Variants in BTBD16 observed in about 807,000 individuals in gnomAD.
BTBD16 encodes the protein BTB/POZ domain-containing protein 16.
In BTBD16, 66 loss-of-function variants were observed where a neutral mutation model predicts 67.4. The observed-to-expected ratio is 0.98, with a 90% confidence interval of 0.80 to 1.20. The LOEUF is 1.20. Ranked by LOEUF, BTBD16 falls within the 50% of genes most tolerant of loss-of-function variation. The pLI is 0.00. For synonymous variants in BTBD16, 242 were observed against 236.4 expected (o/e 1.02, Z -0.22); for missense variants, 634 against 616.0 (o/e 1.03, Z -0.31).
chr10:122,325,457 C>A (rs926805773), intron 10 of BTBD16, among the ~76,000 whole-genome samples: 9 of 152,052 alleles, frequency 5.9e-5, no homozygotes, highest in African/African-American at 2.2e-4. Flanking sequence ...ACCCTAAGCA[C>A]CGTGCATGGA....
rs2096370842 is a variant in BTBD16 at position 122,289,953 on chromosome 10, A to G, written c.430A>G (p.Ile144Val). ...CAAAGAAAAATCCCCTGCAAAGAGG[A>G]TCATCATTTCCTTGAAGATCAATGA... is the stretch of plus-strand genomic sequence containing the variant. ...KTKEKSPAKRIIISLKINDPL... is the reference protein window; with the variant it reads ...KTKEKSPAKRVIISLKINDPL... Residue 144 changes from isoleucine to valine, a missense_variant, in exon 6 of 16, where the codon ATC becomes GTC. Physicochemically the swap from Ile to Val is conservative, Grantham distance 29. Transcript: ENST00000260723. 1 of 1,613,954 alleles carries G rather than the reference A, an allele frequency of 6.2e-7. No individual in the cohort carries two copies. Among genetic ancestry groups the G allele is most frequent in the Non-Finnish European group, 8.5e-7 (1 of 1,179,948 alleles).
intron 9 of BTBD16, among the ~76,000 whole-genome samples, chr10:122,300,471 C>A (rs1014403508): frequency 2.0e-5 from 3 of 152,052 alleles, no homozygotes; most frequent in African/African-American, 4.8e-5. Context: ...CTACGTGTAT[C>A]TACATATACA....
At chr10:122,312,939 T>C (rs1473373732) in intron 10 of BTBD16, among the ~76,000 whole-genome samples, 1 of 152,302 alleles carries the variant, frequency 6.6e-6, no homozygotes, top group African/African-American at 2.4e-5. Context: ...TGCAGTGGTG[T>C]GATCTCAGCT....
chr10:122,272,044 G>A (rs2096329817), intron 1 of BTBD16, among the ~76,000 whole-genome samples: 1 of 152,168 alleles, frequency 6.6e-6, no homozygotes, highest in African/African-American at 2.4e-5. Flanking sequence ...GTCTAGGGCA[G>A]TGGGAAGCTG....
At chr10:122,296,007 T>C (rs1380159934) in intron 7 of BTBD16, among the ~76,000 whole-genome samples, 2 of 152,128 alleles carry the variant, frequency 1.3e-5, no homozygotes, top group Non-Finnish European at 2.9e-5. Context: ...TACCATTGTA[T>C]ACTAACTCTA....
intron 10 of BTBD16, among the ~76,000 whole-genome samples, chr10:122,322,111 A>G (rs2096436425): frequency 6.6e-6 from 1 of 151,928 alleles, no homozygotes; most frequent in South Asian, 2.1e-4. Context: ...ATAGAGGTTT[A>G]TTTTATTCAT....
chr10:122,318,070 CAT>C (rs770518638), intron 10 of BTBD16, among the ~76,000 whole-genome samples: 9 of 152,128 alleles, frequency 5.9e-5, no homozygotes, highest in Non-Finnish European at 1.0e-4. Flanking sequence ...ACCACAAACA[CAT>C]GTGTTGTGCT....
At chr10:122,320,796 T>A (rs2096434142) in intron 10 of BTBD16, among the ~76,000 whole-genome samples, 1 of 152,210 alleles carries the variant, frequency 6.6e-6, no homozygotes, top group South Asian at 2.1e-4. Context: ...CACAATATGA[T>A]CTCTCTTGGT....
chr10:122,286,388 A>G (rs1055074661), intron 5 of BTBD16, 140 bp downstream of exon 5: 3 of 1,250,932 alleles, frequency 2.4e-6, no homozygotes, highest in African/African-American at 3.0e-5. Context: ...ATCTCATCCC[A>G]TGACAGCCTC....
chr10:122,306,677 G>C (rs927687481), intron 9 of BTBD16, among the ~76,000 whole-genome samples: 2 of 152,156 alleles, frequency 1.3e-5, no homozygotes, highest in Non-Finnish European at 2.9e-5. Flanking sequence ...ATTTAAGGGA[G>C]CATGAAAAAA....
chr10:122,288,679 C>A (rs566217623), intron 5 of BTBD16, among the ~76,000 whole-genome samples: 1 of 151,946 alleles, frequency 6.6e-6, no homozygotes, highest in African/African-American at 2.4e-5. Flanking sequence ...AATAGAAGGT[C>A]GTGGTCAAAT....
chr10:122,321,963 T>C (rs1200774508), intron 10 of BTBD16, among the ~76,000 whole-genome samples: 1 of 152,124 alleles, frequency 6.6e-6, no homozygotes, highest in Non-Finnish European at 1.5e-5. Flanking sequence ...TTTTAGGCCT[T>C]ACATTTAAGT....
At position 122,286,120 on chromosome 10, in the gene BTBD16, G is replaced by T. The variant is rs763202235; in HGVS notation, c.257G>T (p.Cys86Phe). Residue 86 changes from cysteine to phenylalanine, a missense_variant, in exon 5 of 16, where the codon TGC (cysteine) becomes TTC (phenylalanine). Transcript: ENST00000260723. ...CTGTCCTCAGATGTGATTCTCGAGTGCCTGGGCTTCAAATGGGAGCTCCAT... is the reference window on the plus strand; with the variant it reads ...CTGTCCTCAGATGTGATTCTCGAGTTCCTGGGCTTCAAATGGGAGCTCCAT... ...QSGEADVILE[C>F]LGFKWELHQP... is the part of the protein sequence containing the mutation. The T allele has an allele frequency of 6.2e-7, 1 of 1,613,624 alleles. No homozygotes were observed. Among genetic ancestry groups the T allele is most frequent in the South Asian group, 1.1e-5 (1 of 91,024 alleles).
chr10:122,310,754 A>AG lies in BTBD16; in HGVS notation c.911+3451dup, dbSNP rs1257410237. Among the ~76,000 whole-genome samples, 4 of 152,284 alleles carry AG rather than the reference A, an allele frequency of 2.6e-5. No homozygotes were observed. In the East Asian group the frequency reaches 7.7e-4, roughly 29 times the overall value. On this transcript the variant is annotated intron_variant, in intron 10 of 15. Coordinates refer to ENST00000260723, the MANE Select transcript of BTBD16 (RefSeq NM_144587.5). ...TGACAGAGCAATCTACTTCCCGGGGAGGGGGACATGTTGAGGCCGTCACAT... is the reference window on the plus strand; with the variant it reads ...TGACAGAGCAATCTACTTCCCGGGGAGGGGGGACATGTTGAGGCCGTCACAT...
chr10:122,313,041 TA>T (rs1224341249), intron 10 of BTBD16, among the ~76,000 whole-genome samples: 1 of 150,882 alleles, frequency 6.6e-6, no homozygotes, highest in Non-Finnish European at 1.5e-5. Context: ...CACGCCTGGC[TA>T]ATTTTTTGTA....
intron 9 of BTBD16, among the ~76,000 whole-genome samples, chr10:122,300,210 AT>A (rs2096391236): frequency 6.6e-6 from 1 of 152,180 alleles, no homozygotes. Flanking sequence ...AGAACTTTCT[AT>A]TTTGTGTTAG....
chr10:122,333,016 C>T (rs2096457718), intron 13 of BTBD16: 2 of 973,582 alleles, frequency 2.1e-6, no homozygotes, highest in Non-Finnish European at 2.4e-6. Flanking sequence ...ACTTAGTGAC[C>T]AGGGGAACCT....
chr10:122,283,669 A>C (rs2273796), intron 3 of BTBD16, among the ~76,000 whole-genome samples, 182 bp from the exon 4 acceptor site: 38,640 of 152,124 alleles, frequency 0.25, 5,392 homozygotes, highest in East Asian at 0.47. Flanking sequence ...GCCAGCTATC[A>C]GAAAGCCTAC....
chr10:122,284,074 G>C (rs2096358548), intron 4 of BTBD16, 150 bp downstream of exon 4: 1 of 634,926 alleles, frequency 1.6e-6, no homozygotes, highest in African/African-American at 1.8e-5. Context: ...AGAAATAATA[G>C]GTGCCCGGTA....
Sources: gnomAD v4.1 joint callset for allele counts (sites outside exome capture counted in the v4.1 genomes callset) on GRCh38, gnomAD v4.1.1 for gene constraint, MANE v1.5 for transcripts, NCBI Gene and HGNC (gene_info 2026-07-23, HGNC 2026-07-21) for gene names.